PBLD: variants seen among roughly 807,000 people sequenced by gnomAD.
PBLD encodes phenazine biosynthesis-like domain-containing protein.
PBLD carries 26 observed loss-of-function variants against 31.3 expected under a neutral mutation model. That is an observed-to-expected ratio of 0.83 (90% confidence interval 0.61 to 1.15). The LOEUF is 1.15. PBLD is among the 50% of genes most tolerant of loss of function. The pLI, the probability that PBLD is intolerant of heterozygous loss-of-function variation, is 0.00. For synonymous variants in PBLD, 114 were observed against 129.0 expected, an observed-to-expected ratio of 0.88 and a Z score of 0.79; for missense variants, 307 against 351.7, an observed-to-expected ratio of 0.87 and a Z score of 1.02.
intron 1 of PBLD, among the ~76,000 whole-genome samples, chr10:68,325,376 CAACATGGTG>C (rs1254159746): frequency 1.3e-5 from 2 of 152,122 alleles, no homozygotes; most frequent in Admixed American, 6.5e-5. Flanking sequence ...CCAGCCTGGC[CAACATGGTG>C]AAACCCCGTG....
chr10:68,319,053 G>GAGAGAGAGAA (rs1431193816), intron 1 of PBLD, among the ~76,000 whole-genome samples: 8 of 98,888 alleles, frequency 8.1e-5, no homozygotes, highest in African/African-American at 8.8e-5. Flanking sequence ...AAGAAAGAGA[G>GAGAGAGAGAA]AGAAAGAAAG....
At chr10:68,289,663 T>TCTCACACACACACA (rs1554856848) in intron 6 of PBLD, among the ~76,000 whole-genome samples, 4 of 136,400 alleles carry the variant, frequency 2.9e-5, no homozygotes, top group Admixed American at 1.5e-4. Context: ...AGGCCAAAGA[T>TCTCACACACACACA]CACACACACA....
At chr10:68,312,531 T>C (rs924643798) in intron 1 of PBLD, among the ~76,000 whole-genome samples, 3 of 152,032 alleles carry the variant, frequency 2.0e-5, no homozygotes. Context: ...CATTTTTTAA[T>C]AGAATAGGGT....
At chr10:68,315,595 G>GA (rs1034233534) in intron 1 of PBLD, among the ~76,000 whole-genome samples, 24 of 148,500 alleles carry the variant, frequency 1.6e-4, no homozygotes, top group Non-Finnish European at 3.0e-4. Flanking sequence ...AAAAAGACAA[G>GA]AAAAAAAAAG....
At chr10:68,311,751 C>CAAAAAAA (rs987918906) in intron 1 of PBLD, among the ~76,000 whole-genome samples, 2 of 59,896 alleles carry the variant, frequency 3.3e-5, no homozygotes, top group African/African-American at 6.8e-5. Flanking sequence ...GACCCTGCCT[C>CAAAAAAA]AAAAAAAAAA....
intron 8 of PBLD, among the ~76,000 whole-genome samples, chr10:68,285,677 AT>A (rs2044278073): frequency 6.6e-6 from 1 of 151,306 alleles, no homozygotes; most frequent in South Asian, 2.1e-4. Context: ...ATTTTATTTT[AT>A]TTTTATTTTT....
intron 1 of PBLD, among the ~76,000 whole-genome samples, chr10:68,330,727 T>C (rs1369116033): frequency 1.2e-5 from 1 of 81,028 alleles, no homozygotes; most frequent in Non-Finnish European, 2.8e-5. Context: ...TGTGTGTGTG[T>C]GTGTGTGTGT....
chr10:68,284,101 A>G lies in PBLD; in HGVS notation c.*76T>C. Reference sequence around the variant, plus strand: ...GTAGACTACTACGCACATTTGCTAAAGGCAGCCCCTTACATTTCTTTTTAA... The same window carrying G: ...GTAGACTACTACGCACATTTGCTAAGGGCAGCCCCTTACATTTCTTTTTAA... On this transcript the variant is annotated 3_prime_UTR_variant, in exon 10 of 10. Transcript: ENST00000358769. 1 of 1,375,394 alleles carries G rather than the reference A, an allele frequency of 7.3e-7. No individual in the cohort carries two copies. The allele number at this position is 1,375,394 out of a possible 1,614,324, so 85.2% of individuals were successfully genotyped here.
intron 1 of PBLD, among the ~76,000 whole-genome samples, chr10:68,327,309 C>A (rs530169949): frequency 6.6e-6 from 1 of 152,072 alleles, no homozygotes; most frequent in African/African-American, 2.4e-5. Context: ...GTGTGACCAT[C>A]GTTATTTTTT....
At chr10:68,322,904 TA>T (rs989476282) in intron 1 of PBLD, among the ~76,000 whole-genome samples, 16 of 149,558 alleles carry the variant, frequency 1.1e-4, no homozygotes, top group African/African-American at 2.7e-4. Context: ...CTGGCTAACT[TA>T]AAAAAAAAAT....
intron 1 of PBLD, among the ~76,000 whole-genome samples, chr10:68,329,734 A>G (rs982626498): frequency 6.6e-6 from 1 of 152,250 alleles, no homozygotes; most frequent in Non-Finnish European, 1.5e-5. Context: ...TAGTAACCAC[A>G]GGTCTCCTGA....
At chr10:68,305,233 A>G (rs931066943) in intron 2 of PBLD, among the ~76,000 whole-genome samples, 3 of 150,804 alleles carry the variant, frequency 2.0e-5, no homozygotes, top group African/African-American at 4.9e-5. Flanking sequence ...AACAACAACA[A>G]CAGCAATAAA....
At position 68,316,416 on chromosome 10, in the gene PBLD, A is replaced by C. The variant is rs1038671423; in HGVS notation, c.-59-9513T>G. Among the ~76,000 whole-genome samples, 6 of 152,148 alleles carry C rather than the reference A, an allele frequency of 3.9e-5. 1 individual carries two copies. The South Asian group carries it at 1.2e-3, about 31-fold the overall frequency. On this transcript the variant is annotated intron_variant, in intron 1 of 9. Coordinates refer to ENST00000358769, the MANE Select transcript of PBLD (RefSeq NM_022129.4). Reference sequence around the variant, plus strand: ...GCAAAAGAAAAGGCCAGTGAACTTGAAAATAGGTTAATTGAGATTATTCAG... The same window carrying C: ...GCAAAAGAAAAGGCCAGTGAACTTGCAAATAGGTTAATTGAGATTATTCAG...
chr10:68,290,299 G>A (rs1231884729), intron 6 of PBLD, among the ~76,000 whole-genome samples: 2 of 152,178 alleles, frequency 1.3e-5, no homozygotes, highest in African/African-American at 2.4e-5. Flanking sequence ...TTCTGCCTCT[G>A]TGACTATGGG....
intron 1 of PBLD, among the ~76,000 whole-genome samples, chr10:68,308,845 G>GGTGTGTGTTGTGT (rs1554859236): frequency 2.3e-5 from 3 of 130,360 alleles, no homozygotes; most frequent in African/African-American, 8.6e-5. Context: ...TGACCTGCAT[G>GGTGTGTGTTGTGT]GTGTGTGTGT....
chr10:68,301,473 C>A (rs941565753), intron 2 of PBLD, among the ~76,000 whole-genome samples: 1 of 152,168 alleles, frequency 6.6e-6, no homozygotes, highest in Non-Finnish European at 1.5e-5. Context: ...GCACACAACA[C>A]CTGATAGAAA....
chr10:68,316,938 C>G (rs553138848), intron 1 of PBLD, among the ~76,000 whole-genome samples: 1 of 152,082 alleles, frequency 6.6e-6, no homozygotes, highest in Non-Finnish European at 1.5e-5. Context: ...GCTTGAGACC[C>G]GGAGATGGAG....
rs1414000980 is a variant in PBLD, at chr10:68,283,833, CCTCCTGGGTT to C, written c.*334_*343del. 7.3e-5 allele frequency: 17 copies of C among 233,312 alleles called. No individual in the cohort carries two copies. In the East Asian group the frequency reaches 1.3e-3, roughly 18 times the overall value. The allele number at this position is 233,312 out of a possible 1,614,324, so 14.5% of individuals were successfully genotyped here. On this transcript the variant is annotated 3_prime_UTR_variant, in exon 10 of 10. Coordinates refer to ENST00000358769, the MANE Select transcript of PBLD (RefSeq NM_022129.4). Reference sequence around the variant, plus strand: ...TGATCTCTGCTCACTGCAACTTCTGCCTCCTGGGTTCAAGCGATTCTCCATGCCTCAGCCT... The same window carrying C: ...TGATCTCTGCTCACTGCAACTTCTGCCAAGCGATTCTCCATGCCTCAGCCT...
At chr10:68,325,795 C>T (rs1023339887) in intron 1 of PBLD, among the ~76,000 whole-genome samples, 3 of 152,200 alleles carry the variant, frequency 2.0e-5, no homozygotes, top group Admixed American at 2.0e-4. Context: ...CATTGCCCCA[C>T]TAAATTTTAC....
Sources: allele counts gnomAD v4.1 joint callset (sites outside exome capture counted in the v4.1 genomes callset), GRCh38; gene constraint gnomAD v4.1.1; transcripts MANE v1.5; gene names NCBI Gene and HGNC (gene_info 2026-07-23, HGNC 2026-07-21).